Variants in NCS1 observed in about 807,000 individuals in gnomAD.
NCS1 encodes the protein frequenin homolog.
NCS1 carries 6 observed loss-of-function variants against 28.4 expected under a neutral mutation model. The ratio of observed to expected loss-of-function variants is 0.21; its 90% CI spans 0.12 to 0.42. NCS1 has a LOEUF of 0.42. Among genes scored for constraint, NCS1 ranks in the 10% least tolerant of loss-of-function variants. The pLI, the probability that NCS1 is intolerant of heterozygous loss-of-function variation, is 1.00. For missense variants in NCS1, 131 were observed against 241.4 expected (o/e 0.54, Z 3.03); for synonymous variants, 86 against 99.3 (o/e 0.87, Z 0.79).
Position 130,217,961 on chromosome 9 carries a change from T to A in NCS1, c.219T>A (p.Asp73Glu). ...KFATFVFNVF[D>E]ENKDGRIEFS... The stretch of plus-strand genomic sequence containing the variant: ...CCACATTTGTTTTCAACGTCTTTGA[T>A]GAAAACAAGGTGAGCTGGGGATTGA... The change falls in exon 3 of 8, where the codon GAT becomes GAA. Residue 73 changes from aspartate to glutamate, a missense_variant. Transcript: ENST00000372398. 1 of 1,614,202 alleles carries A rather than the reference T, an allele frequency of 6.2e-7. No individual in the cohort carries two copies. The highest frequency in any genetic ancestry group is 8.5e-7 in the Non-Finnish European group (1 of 1,180,040).
At chr9:130,210,783 C>CT (rs1833102315) in intron 2 of NCS1, among the ~76,000 whole-genome samples, 1 of 151,790 alleles carries the variant, frequency 6.6e-6, no homozygotes, top group East Asian at 1.9e-4. Context: ...TTGAGCCCTT[C>CT]TTTTTCAGTT....
intron 2 of NCS1, among the ~76,000 whole-genome samples, chr9:130,212,420 T>C (rs540122249): frequency 6.6e-6 from 1 of 151,058 alleles, no homozygotes; most frequent in South Asian, 2.1e-4. Flanking sequence ...GCTAAGTGTC[T>C]ACTATGCACA....
Position 130,233,902 on chromosome 9 carries a change from A to C in NCS1, c.*930A>C, listed in dbSNP as rs555031933. On this transcript the variant is annotated 3_prime_UTR_variant, in exon 8 of 8. Coordinates refer to ENST00000372398, the MANE Select transcript of NCS1 (RefSeq NM_014286.4). The surrounding 1 kb of genome is among the most constrained non-coding windows in gnomAD (Gnocchi z 4.8). ...CTCCAGCCCGAATGCCTCCTGCCAAACCCCTTTTCCCTGCTGCCTCTGTCC... is the reference window on the plus strand; with the variant it reads ...CTCCAGCCCGAATGCCTCCTGCCAACCCCCTTTTCCCTGCTGCCTCTGTCC... The C allele has an allele frequency of 6.6e-6, 1 of 151,596 alleles. No homozygotes were observed. The highest frequency in any genetic ancestry group is 2.4e-5 in the African/African-American group (1 of 41,262). 9.4% of individuals were successfully genotyped at this position (151,596 alleles called of 1,614,324 possible). A position where few individuals can be genotyped will look rare whatever the true frequency, so the allele number is the denominator to read the frequency against.
chr9:130,176,202 T>TTCTTTC (rs1816034257), intron 1 of NCS1, among the ~76,000 whole-genome samples: 5 of 77,966 alleles, frequency 6.4e-5, no homozygotes, highest in Non-Finnish European at 8.4e-5. Flanking sequence ...TTCTTTTTTT[T>TTCTTTC]TTTTTTTGGA....
chr9:130,198,323 G>C (rs1358496626), intron 1 of NCS1, among the ~76,000 whole-genome samples: 1 of 152,166 alleles, frequency 6.6e-6, no homozygotes, highest in Admixed American at 6.5e-5. Flanking sequence ...ATGGGTGGGG[G>C]GTGTCAAGGG....
rs1419391513 is a variant in NCS1, at chr9:130,181,317, C to T, written c.64+8590C>T. 2.0e-5 allele frequency among the ~76,000 whole-genome samples: 3 copies of T among 152,062 alleles called. No homozygotes were observed. The highest frequency in any genetic ancestry group is 3.9e-4 in the East Asian group (2 of 5,158). ...CGTGTGCGGGGTTAGGAATAACAGACGTTGAACTTGGCGGCTCATCTCGGC... is the reference window on the plus strand; with the variant it reads ...CGTGTGCGGGGTTAGGAATAACAGATGTTGAACTTGGCGGCTCATCTCGGC... On this transcript the variant is annotated intron_variant, in intron 1 of 7. Coordinates refer to ENST00000372398, the MANE Select transcript of NCS1 (RefSeq NM_014286.4). This position sits in a 1 kb window ranked among gnomAD's most constrained non-coding sequence, Gnocchi z 5.0.
chr9:130,183,306 TG>T (rs199872244), intron 1 of NCS1, among the ~76,000 whole-genome samples: 27 of 142,030 alleles, frequency 1.9e-4, no homozygotes, highest in South Asian at 8.8e-4. Flanking sequence ...ACCATGCGGC[TG>T]GGGGGGGGAG....
intron 1 of NCS1, among the ~76,000 whole-genome samples, chr9:130,183,324 G>A (rs1169932085): frequency 1.3e-5 from 2 of 152,072 alleles, no homozygotes; most frequent in Non-Finnish European, 2.9e-5. Context: ...GGAGCTCCTT[G>A]CCCAGGAGGG....
At chr9:130,205,677 G>GAA (rs797027203) in intron 2 of NCS1, among the ~76,000 whole-genome samples, 190 of 126,482 alleles carry the variant, frequency 1.5e-3, no homozygotes, top group African/African-American at 5.3e-3. Flanking sequence ...CTCTACAAAA[G>GAA]AAAAAAAAAA....
intron 4 of NCS1, among the ~76,000 whole-genome samples, chr9:130,221,389 T>TAAA (rs1564713581): frequency 4.1e-5 from 1 of 24,406 alleles, no homozygotes; most frequent in Admixed American, 4.5e-4. Context: ...TATATATATA[T>TAAA]ATATATATAT....
chr9:130,231,274 C>G (rs1212214533), intron 7 of NCS1, among the ~76,000 whole-genome samples: 5 of 151,912 alleles, frequency 3.3e-5, no homozygotes, highest in Non-Finnish European at 7.4e-5. Flanking sequence ...ATTGCTTGAA[C>G]CAGGGAGGGT....
At chr9:130,210,122 C>A (rs1564710284) in intron 2 of NCS1, among the ~76,000 whole-genome samples, 1 of 152,032 alleles carries the variant, frequency 6.6e-6, no homozygotes, top group Non-Finnish European at 1.5e-5. Context: ...ACTTCCCGGC[C>A]AGGCGCGATG....
chr9:130,201,062 TCC>T, intron 2 of NCS1, 80 bp downstream of exon 2: 1 of 1,573,016 alleles, frequency 6.4e-7, no homozygotes, highest in Non-Finnish European at 8.8e-7. Context: ...GGGACAGCAG[TCC>T]AGCTGCTCAG....
chr9:130,218,289 T>C (rs1373502552), intron 3 of NCS1, among the ~76,000 whole-genome samples: 4 of 152,222 alleles, frequency 2.6e-5, no homozygotes, highest in Admixed American at 2.6e-4. Flanking sequence ...CATGCACACA[T>C]GTGGGCACAC....
In NCS1 at chr9:130,175,621, C is replaced by T. The variant is rs868933329; in HGVS notation, c.64+2894C>T. Reference sequence around the variant, plus strand: ...GGCCTAGAGGGGAGCCATGGGTCCACGTCCGAGTCGGTGCTGGGCAGTGTC... The same window carrying T: ...GGCCTAGAGGGGAGCCATGGGTCCATGTCCGAGTCGGTGCTGGGCAGTGTC... On this transcript the variant is annotated intron_variant, in intron 1 of 7. Coordinates refer to ENST00000372398, the MANE Select transcript of NCS1 (RefSeq NM_014286.4). This position sits in a 1 kb window ranked among gnomAD's most constrained non-coding sequence, Gnocchi z 4.9. Among the ~76,000 whole-genome samples the T allele has an allele frequency of 3.3e-5, 5 of 152,084 alleles. No individual in the cohort carries two copies. The highest frequency in any genetic ancestry group is 7.2e-5 in the African/African-American group (3 of 41,410).
chr9:130,206,895 C>T (rs1274530836), intron 2 of NCS1, among the ~76,000 whole-genome samples: 1 of 152,180 alleles, frequency 6.6e-6, no homozygotes, highest in Non-Finnish European at 1.5e-5. Context: ...CAGCGGGCCA[C>T]AGTGGACATG....
intron 1 of NCS1, among the ~76,000 whole-genome samples, chr9:130,190,594 G>T (rs1255807551): frequency 1.3e-5 from 2 of 152,192 alleles, no homozygotes; most frequent in East Asian, 3.9e-4. Context: ...AGATACTGAG[G>T]ACCTTTGCCT....
Position 130,200,837 on chromosome 9 carries a change from T to A in NCS1, c.65-121T>A, listed in dbSNP as rs1312056454. 9.5e-6 allele frequency: 14 copies of A among 1,478,748 alleles called. No homozygotes were observed. In the Middle Eastern group the frequency reaches 9.2e-4, roughly 97 times the overall value. 91.6% of individuals were successfully genotyped at this position (1,478,748 alleles called of 1,614,324 possible). Reference sequence around the variant, plus strand: ...CATTTTCTCATCCAGAGCAGGCCGTTGCCCGGGGACATGGCCGTGGGGAGG... The same window carrying A: ...CATTTTCTCATCCAGAGCAGGCCGTAGCCCGGGGACATGGCCGTGGGGAGG... On this transcript the variant is annotated intron_variant, in intron 1 of 7. Coordinates refer to ENST00000372398, the MANE Select transcript of NCS1 (RefSeq NM_014286.4).
intron 1 of NCS1, among the ~76,000 whole-genome samples, chr9:130,187,550 C>T (rs7862182): frequency 0.6 from 91,072 of 152,046 alleles, 29,361 homozygotes; most frequent in East Asian, 0.84. Flanking sequence ...CTGCAGGAGC[C>T]GTTCTGCCCT....
Sources: allele counts gnomAD v4.1 joint callset (sites outside exome capture counted in the v4.1 genomes callset), GRCh38; gene constraint gnomAD v4.1.1; non-coding constraint Gnocchi (gnomAD v3.1); transcripts MANE v1.5; gene names NCBI Gene and HGNC (gene_info 2026-07-23, HGNC 2026-07-21).